The following RBFOX1 variants were observed in gnomAD, a reference collection of about 807,000 sequenced individuals.
The protein encoded by RBFOX1 is RNA binding fox-1 homolog 1.
RBFOX1 carries 8 observed loss-of-function variants against 57.7 expected under a neutral mutation model. The observed-to-expected ratio is 0.14, with a 90% CI of 0.08 to 0.25. The LOEUF is 0.25. Among genes scored for constraint, RBFOX1 ranks in the 10% least tolerant of loss-of-function variants. The pLI is 1.00. For missense variants in RBFOX1, 611 were observed against 548.5 expected, an observed-to-expected ratio of 1.11 and a Z score of -1.14; for synonymous variants, 326 against 222.4, an observed-to-expected ratio of 1.47 and a Z score of -4.15.
intron 4 of RBFOX1, among the ~76,000 whole-genome samples, chr16:7,224,666 G>A (rs2092977261): frequency 6.6e-6 from 1 of 152,162 alleles, no homozygotes; most frequent in African/African-American, 2.4e-5. Flanking sequence ...AAATAAAGTA[G>A]AAAGACCAAA....
chr16:5,970,481 A>G (rs2059940332), intron 4 of RBFOX1, among the ~76,000 whole-genome samples: 2 of 152,150 alleles, frequency 1.3e-5, no homozygotes, highest in Admixed American at 1.3e-4. Flanking sequence ...CACATAAGGA[A>G]CATTCTCTAG....
intron 4 of RBFOX1, among the ~76,000 whole-genome samples, chr16:7,271,566 C>G (rs900245156): frequency 6.6e-6 from 1 of 151,514 alleles, no homozygotes; most frequent in African/African-American, 2.4e-5. Flanking sequence ...ACTAGAAGCT[C>G]GATGTTATGA....
chr16:7,560,663 T>A (rs989771872), intron 5 of RBFOX1, among the ~76,000 whole-genome samples: 16 of 152,006 alleles, frequency 1.1e-4, no homozygotes, highest in Non-Finnish European at 2.1e-4. Flanking sequence ...TAAATTGAGA[T>A]TCAGAAAGGG....
chr16:6,520,964 C>T (rs1388139659), intron 2 of RBFOX1, among the ~76,000 whole-genome samples: 2 of 151,810 alleles, frequency 1.3e-5, no homozygotes, highest in East Asian at 2.0e-4. Context: ...ATAATTGCTT[C>T]GCCACTAGAG....
Position 6,193,403 on chromosome 16 carries a change from TATATATATATATATATATATATAA to T in RBFOX1, c.-126-123590_-126-123567del, listed in dbSNP as rs2097158460. On this transcript the variant is annotated intron_variant, in intron 1 of 15. Coordinates refer to ENST00000550418, the MANE Select transcript of RBFOX1 (RefSeq NM_018723.4). ...ATTATATATATATACTATATATATA[TATATATATATATATATATATATAA>T]AATTCAGTGAGAAGGTTAGTAGGAA... Among the ~76,000 whole-genome samples the T allele has an allele frequency of 4.0e-5, 4 of 101,216 alleles. No individual in the cohort carries two copies. The South Asian group carries it at 9.0e-4, about 23-fold the overall frequency. 66.4% of individuals were successfully genotyped at this position (101,216 alleles called of 152,430 possible).
At chr16:6,962,662 C>G (rs2083272835) in intron 3 of RBFOX1, among the ~76,000 whole-genome samples, 1 of 152,036 alleles carries the variant, frequency 6.6e-6, no homozygotes, top group East Asian at 1.9e-4. Context: ...CTCAGGAGTT[C>G]AAGACCAGCC....
At chr16:7,515,223 AAAG>A (rs1263334013) in intron 4 of RBFOX1, among the ~76,000 whole-genome samples, 1 of 151,880 alleles carries the variant, frequency 6.6e-6, no homozygotes, top group East Asian at 1.9e-4. Flanking sequence ...CAGCCCAGAA[AAAG>A]AAAAGATGCT....
intron 5 of RBFOX1, among the ~76,000 whole-genome samples, chr16:7,565,165 T>C (rs1417200234): frequency 6.6e-6 from 1 of 152,152 alleles, no homozygotes; most frequent in Non-Finnish European, 1.5e-5. Context: ...TTATTATTAC[T>C]TTTAATGGAA....
intron 1 of RBFOX1, among the ~76,000 whole-genome samples, chr16:6,239,145 A>G (rs990512667): frequency 1.3e-5 from 2 of 152,144 alleles, no homozygotes; most frequent in Non-Finnish European, 2.9e-5. Context: ...ACTGTCCACC[A>G]TCATGTCGCT....
chr16:6,921,245 A>G (rs1194759921), intron 3 of RBFOX1, among the ~76,000 whole-genome samples: 1 of 152,194 alleles, frequency 6.6e-6, no homozygotes, highest in East Asian at 1.9e-4. Context: ...AACAGCACAC[A>G]TTTGTTTTCT....
intron 2 of RBFOX1, among the ~76,000 whole-genome samples, chr16:6,472,127 G>C (rs1250684374): frequency 6.6e-6 from 1 of 152,152 alleles, no homozygotes; most frequent in Non-Finnish European, 1.5e-5. Flanking sequence ...CCTAGCCCTT[G>C]AGCTTAACCA....
chr16:6,210,293 G>T (rs1484385352), intron 1 of RBFOX1, among the ~76,000 whole-genome samples: 2 of 140,312 alleles, frequency 1.4e-5, no homozygotes, highest in Admixed American at 7.6e-5. Flanking sequence ...TTCCGGCCTG[G>T]GTGACAAGAG....
chr16:6,994,598 A>T (rs1241016963), intron 3 of RBFOX1, among the ~76,000 whole-genome samples: 10 of 152,186 alleles, frequency 6.6e-5, no homozygotes, highest in Non-Finnish European at 1.2e-4. Flanking sequence ...AGGAAGAATG[A>T]TGCTGTGTAT....
At chr16:7,306,091 A>G (rs903990488) in intron 4 of RBFOX1, among the ~76,000 whole-genome samples, 8 of 152,164 alleles carry the variant, frequency 5.3e-5, no homozygotes, top group Admixed American at 1.3e-4. Flanking sequence ...TTATTAATCA[A>G]TTTGAATATC....
intron 4 of RBFOX1, among the ~76,000 whole-genome samples, chr16:7,095,717 C>T (rs1294099070): frequency 6.6e-6 from 1 of 152,038 alleles, no homozygotes; most frequent in African/African-American, 2.4e-5. Context: ...TTTTTTAATT[C>T]ATTTCCTTGT....
rs538257006 is a variant in RBFOX1 at position 7,089,561 on chromosome 16, T to C, written c.27+37463T>C. Among the ~76,000 whole-genome samples the C allele has an allele frequency of 1.1e-3, 163 of 152,196 alleles. 1 individual carries two copies. The highest frequency in any genetic ancestry group is 1.7e-3 in the Non-Finnish European group (117 of 67,996). ...AATAATTCCTTTAGGCTGTGGTGAGTTGGTTGCTAGTCACACTCTTTCTCT... is the reference window on the plus strand; with the variant it reads ...AATAATTCCTTTAGGCTGTGGTGAGCTGGTTGCTAGTCACACTCTTTCTCT... On this transcript the variant is annotated intron_variant, in intron 4 of 15. Transcript: ENST00000550418.
rs534190675 is a variant in RBFOX1 at position 5,477,692 on chromosome 16, C to G, written c.258+10438C>G. ...TCTGGGGGCTGGGGTGCATATAACA[C>G]CAGTCTCTCTTCTCTCCTGATGGGC... On this transcript the variant is annotated intron_variant, in intron 2 of 2. Transcript: ENST00000585867. Among the ~76,000 whole-genome samples, 71 of 152,274 alleles carry G rather than the reference C, an allele frequency of 4.7e-4. 1 individual carries two copies. Among genetic ancestry groups the G allele is most frequent in the African/African-American group, 1.7e-3 (70 of 41,562 alleles).
chr16:7,632,204 T>G (rs2061084194), intron 11 of RBFOX1, among the ~76,000 whole-genome samples: 1 of 152,188 alleles, frequency 6.6e-6, no homozygotes. Context: ...CCACTGCCCC[T>G]GGCCCAGACT....
At chr16:6,231,745 G>A (rs1348400947) in intron 1 of RBFOX1, among the ~76,000 whole-genome samples, 1 of 151,840 alleles carries the variant, frequency 6.6e-6, no homozygotes, top group African/African-American at 2.4e-5. Flanking sequence ...TGCTGTATAT[G>A]TGCCATTCTC....
Sources: gnomAD v4.1 joint callset for allele counts (sites outside exome capture counted in the v4.1 genomes callset) on GRCh38, gnomAD v4.1.1 for gene constraint, MANE v1.5 for transcripts, NCBI Gene and HGNC (gene_info 2026-07-23, HGNC 2026-07-21) for gene names.